TJP1: variants seen among roughly 807,000 people sequenced by gnomAD.
TJP1 encodes tight junction protein 1, also known as tight junction protein ZO-1.
In TJP1, 43 loss-of-function variants were observed where a neutral mutation model predicts 194.2. That is an observed-to-expected ratio of 0.22 (90% confidence interval 0.17 to 0.29). The LOEUF (loss-of-function observed/expected upper bound fraction) is 0.29. TJP1 is among the 10% of genes least tolerant of loss of function. TJP1 has a pLI of 1.00. For synonymous variants in TJP1, 801 were observed against 779.0 expected (o/e 1.03, Z -0.47); for missense variants, 1,971 against 2,185.7 (o/e 0.90, Z 1.96).
intron 1 of TJP1, among the ~76,000 whole-genome samples, chr15:29,961,334 C>CTTTTTTT (rs5811594): frequency 2.9e-3 from 264 of 89,804 alleles, no homozygotes; most frequent in East Asian, 4.1e-3. Flanking sequence ...TTTCCTAATT[C>CTTTTTTT]TTTTTTTTTT....
rs1034531664 is a variant in TJP1, at chr15:29,766,122, C to A, written c.589+144G>T. ...AAAAATGAACAGTCCCTGAAGCCTGCCATAACAGGATTTGACTTACAGTGA... is the reference window on the plus strand; with the variant it reads ...AAAAATGAACAGTCCCTGAAGCCTGACATAACAGGATTTGACTTACAGTGA... On this transcript the variant is annotated intron_variant, in intron 5 of 27. Transcript: ENST00000614355. The A allele has an allele frequency of 1.0e-5, 11 of 1,086,332 alleles. No homozygotes were observed. The African/African-American group carries it at 1.7e-4, about 17-fold the overall frequency. 67.3% of individuals were successfully genotyped at this position (1,086,332 alleles called of 1,614,324 possible).
Position 29,708,822 on chromosome 15 carries a change from T to C in TJP1, c.4587A>G (p.Pro1529=). Residue 1529 remains proline, a synonymous_variant, in exon 25 of 28, where the codon CCA becomes CCG. Transcript: ENST00000614355. The stretch of plus-strand genomic sequence containing the variant: ...GTCGGGCAGAACTTGTATATGGTTT[T>C]GGTGTGAATCGATTGTATGCTGGAG... ...TVTPAYNRFT[P]KPYTSSARPF... is the part of the protein sequence containing the mutation. 1 of 1,614,200 alleles carries C rather than the reference T, an allele frequency of 6.2e-7. No individual in the cohort carries two copies. The highest frequency in any genetic ancestry group is 8.5e-7 in the Non-Finnish European group (1 of 1,180,036).
At position 29,919,040 on chromosome 15, in the gene TJP1, C is replaced by T. The variant is rs189372659; in HGVS notation, c.306+37192G>A. Among the ~76,000 whole-genome samples, 7 of 152,114 alleles carry T rather than the reference C, an allele frequency of 4.6e-5. 1 individual carries two copies. Among genetic ancestry groups the T allele is most frequent in the Admixed American group, 1.3e-4 (2 of 15,280 alleles). ...ACATCGTGGTGAAATGTCACCATGCCGGGAATAAAGACGCTAAAACCTTCC... is the reference window on the plus strand; with the variant it reads ...ACATCGTGGTGAAATGTCACCATGCTGGGAATAAAGACGCTAAAACCTTCC... On this transcript the variant is annotated intron_variant, in intron 2 of 28. Coordinates refer to the TJP1 transcript ENST00000356107.
At chr15:29,949,636 C>T (rs1268306404) in intron 2 of TJP1, among the ~76,000 whole-genome samples, 2 of 126,736 alleles carry the variant, frequency 1.6e-5, no homozygotes, top group African/African-American at 5.5e-5. Context: ...CCACCTCCAC[C>T]ACCTCCACCA....
chr15:29,834,390 T>G (rs1166337563), intron 2 of TJP1, among the ~76,000 whole-genome samples: 3 of 152,038 alleles, frequency 2.0e-5, no homozygotes, highest in Non-Finnish European at 4.4e-5. Context: ...CAGCTAATTT[T>G]TGTGTTTTTG....
chr15:29,922,892 T>A lies in TJP1; in HGVS notation c.306+33340A>T, dbSNP rs564070919. On this transcript the variant is annotated intron_variant, in intron 2 of 28. Transcript: ENST00000356107. ...TAAAATACTTGGCTACATAAAAATG[T>A]ACACTTCTACTTACTTCTAACCTTA... 2.6e-5 allele frequency among the ~76,000 whole-genome samples: 4 copies of A among 152,312 alleles called. No individual in the cohort carries two copies. The South Asian group carries it at 8.3e-4, about 32-fold the overall frequency.
intron 8 of TJP1, among the ~76,000 whole-genome samples, chr15:29,748,576 T>TTA (rs917534790): frequency 7.6e-6 from 1 of 132,344 alleles, no homozygotes; most frequent in African/African-American, 2.8e-5. Flanking sequence ...TTTTTTTTTT[T>TTA]TTTTTTTTTT....
chr15:29,716,733 T>C lies in TJP1; in HGVS notation c.4080A>G (p.Ser1360=). The change falls in exon 23 of 28, where the codon TCA becomes TCG. Residue 1360 remains serine (S), a synonymous_variant. Coordinates refer to ENST00000614355, the MANE Select transcript of TJP1 (RefSeq NM_001330239.4). The stretch of plus-strand genomic sequence containing the variant: ...TCTCAAAACTTCTTCGGTCAAAGTA[T>C]GACAGCTGTTTTCGATAATATTCTT... ...EDEEYYRKQL[S]YFDRRSFENK... is the part of the protein sequence containing the mutation. The C allele has an allele frequency of 1.2e-6, 2 of 1,614,182 alleles. No individual in the cohort carries two copies. Among genetic ancestry groups the C allele is most frequent in the South Asian group, 1.1e-5 (1 of 91,080 alleles).
intron 1 of TJP1, among the ~76,000 whole-genome samples, chr15:29,815,952 A>G (rs1272992025): frequency 6.6e-6 from 1 of 152,028 alleles, no homozygotes; most frequent in African/African-American, 2.4e-5. Flanking sequence ...AGTACTACAT[A>G]TACTGCGTTA....
intron 8 of TJP1, among the ~76,000 whole-genome samples, chr15:29,751,990 T>C (rs2045313988): frequency 1.3e-5 from 2 of 152,120 alleles, no homozygotes. Flanking sequence ...AGTGGCGTGA[T>C]CATGGCACAC....
intron 2 of TJP1, among the ~76,000 whole-genome samples, chr15:29,776,214 T>C (rs1013030444): frequency 9.2e-5 from 14 of 152,108 alleles, no homozygotes; most frequent in Admixed American, 2.6e-4. Context: ...ATTCCAGGAA[T>C]GCAGGATTAG....
intron 8 of TJP1, among the ~76,000 whole-genome samples, chr15:29,754,094 A>C (rs945771409): frequency 2.0e-5 from 3 of 152,232 alleles, no homozygotes; most frequent in Non-Finnish European, 4.4e-5. Context: ...TCACTGCAGC[A>C]CTATTCACAA....
At chr15:29,903,511 C>A (rs746519792) in intron 2 of TJP1, among the ~76,000 whole-genome samples, 6 of 151,722 alleles carry the variant, frequency 4.0e-5, no homozygotes, top group African/African-American at 1.5e-4. Flanking sequence ...GTGGAGTGAT[C>A]TCGGCTCACT....
intron 8 of TJP1, among the ~76,000 whole-genome samples, chr15:29,750,406 T>A (rs1399309617): frequency 6.6e-6 from 1 of 152,190 alleles, no homozygotes; most frequent in African/African-American, 2.4e-5. Context: ...CCCAAAGTGC[T>A]GAGATTACAG....
In TJP1 at chr15:29,705,630, T is replaced by C. The variant is rs748887539; in HGVS notation, c.4966A>G (p.Ile1656Val). The C allele has an allele frequency of 4.3e-6, 7 of 1,614,108 alleles. No homozygotes were observed. The African/African-American group carries it at 5.3e-5, about 12-fold the overall frequency. The stretch of plus-strand genomic sequence containing the variant: ...GGAATGGCTCCTTGAGGGATAATTA[T>C]ACTAACACCAGTTTCTATGGAACTC... ...VLSSIETGVS[I>V]IIPQGAIPEG... Residue 1656 changes from isoleucine (I) to valine (V), a missense_variant, in exon 26 of 28, where the codon ATA becomes GTA. Ile to Val is a conservative substitution (Grantham distance 29). Around this residue, in one of 5 missense-constraint regions of TJP1, gnomAD observed 1,108 missense variants for 1,128.5 expected, o/e 0.98. Coordinates refer to ENST00000614355, the MANE Select transcript of TJP1 (RefSeq NM_001330239.4).
At chr15:29,896,079 C>A (rs1307850054) in intron 2 of TJP1, among the ~76,000 whole-genome samples, 1 of 152,166 alleles carries the variant, frequency 6.6e-6, no homozygotes, top group Non-Finnish European at 1.5e-5. Flanking sequence ...TCTCCTAACA[C>A]CATCAGTTTA....
At chr15:29,721,912 TGA>T (rs2042952050) in intron 18 of TJP1, among the ~76,000 whole-genome samples, 1 of 152,170 alleles carries the variant, frequency 6.6e-6, no homozygotes, top group Non-Finnish European at 1.5e-5. Flanking sequence ...ACTTTGAACT[TGA>T]GAGAGATGAT....
intron 11 of TJP1, 150 bp from the exon 12 acceptor site, chr15:29,734,532 G>A (rs1016750841): frequency 1.8e-5 from 10 of 555,292 alleles, no homozygotes; most frequent in African/African-American, 1.4e-4. Context: ...CGCCCAGGCT[G>A]GAGTGCAATG....
chr15:29,757,697 G>T (rs1003781088), intron 8 of TJP1, among the ~76,000 whole-genome samples: 1 of 152,176 alleles, frequency 6.6e-6, no homozygotes, highest in African/African-American at 2.4e-5. Context: ...AACCTGAAGA[G>T]ATTTTTCCTT....
Sources: allele counts gnomAD v4.1 joint callset (sites outside exome capture counted in the v4.1 genomes callset), GRCh38; gene constraint gnomAD v4.1.1; regional missense constraint gnomAD v4.1.1; transcripts MANE v1.5; gene names NCBI Gene and HGNC (gene_info 2026-07-23, HGNC 2026-07-21).